The following KCNMB4 variants were observed in gnomAD, a reference collection of about 807,000 sequenced individuals.
KCNMB4 encodes the protein potassium calcium-activated channel subfamily M regulatory beta subunit 4.
KCNMB4 carries 3 observed loss-of-function variants against 20.7 expected under a neutral mutation model. The observed-to-expected ratio is 0.14, with a 90% CI of 0.07 to 0.37. The LOEUF is 0.37. Among genes scored for constraint, KCNMB4 ranks in the 10% least tolerant of loss-of-function variants. KCNMB4 has a pLI of 1.00. For synonymous variants in KCNMB4, 110 were observed against 113.4 expected, an observed-to-expected ratio of 0.97 and a Z score of 0.19; for missense variants, 168 against 265.9, an observed-to-expected ratio of 0.63 and a Z score of 2.56.
rs1045013735 is a variant in KCNMB4 at position 70,366,543 on chromosome 12, C to A, written c.-192C>A. The A allele has an allele frequency of 5.3e-4, 87 of 165,418 alleles. No individual in the cohort carries two copies. Among genetic ancestry groups the A allele is most frequent in the Non-Finnish European group, 8.8e-4 (71 of 80,748 alleles). The allele number at this position is 165,418 out of a possible 1,614,324, so 10.2% of individuals were successfully genotyped here. On this transcript the variant is annotated 5_prime_UTR_variant, in exon 1 of 3. Coordinates refer to ENST00000258111, the MANE Select transcript of KCNMB4 (RefSeq NM_014505.6). Reference sequence around the variant, plus strand: ...CGGCTGGGGGGCTGGGGGGCGCTGCCGCCGCCGCCGCCGGGGGCGTCGCTG... The same window carrying A: ...CGGCTGGGGGGCTGGGGGGCGCTGCAGCCGCCGCCGCCGGGGGCGTCGCTG...
intron 1 of KCNMB4, among the ~76,000 whole-genome samples, chr12:70,388,562 G>T (rs976977737): frequency 6.6e-6 from 1 of 151,944 alleles, no homozygotes; most frequent in African/African-American, 2.4e-5. Context: ...ATTTTAACTG[G>T]GGTGAGATGA....
Position 70,366,927 on chromosome 12 carries a change from G to C in KCNMB4, c.193G>C (p.Val65Leu). 6.2e-7 allele frequency: 1 copy of C among 1,613,042 alleles called. No individual in the cohort carries two copies. ...TVLSVQQIGE[V>L]FECTFTCGAD... ...GCTGTCGGTGCAGCAGATCGGCGAG[G>C]TGTTCGAGTGCACCTTCACCTGTGG... Residue 65 changes from valine (V) to leucine (L), a missense_variant, in exon 1 of 3, where the codon GTG becomes CTG. Val to Leu is a conservative substitution (Grantham distance 32). Coordinates refer to ENST00000258111, the MANE Select transcript of KCNMB4 (RefSeq NM_014505.6).
intron 2 of KCNMB4, among the ~76,000 whole-genome samples, chr12:70,406,906 T>G (rs989335822): frequency 3.3e-5 from 5 of 152,216 alleles, no homozygotes; most frequent in Admixed American, 6.5e-5. Context: ...AAAAGTATTT[T>G]TTTGTACTCT....
chr12:70,423,808 A>G (rs1295946007), intron 2 of KCNMB4, among the ~76,000 whole-genome samples: 2 of 152,112 alleles, frequency 1.3e-5, no homozygotes, highest in South Asian at 4.1e-4. Flanking sequence ...TTATCACAAT[A>G]TCATTGGTAG....
chr12:70,398,118 G>A (rs1565860328), intron 1 of KCNMB4, among the ~76,000 whole-genome samples: 1 of 152,098 alleles, frequency 6.6e-6, no homozygotes, highest in Non-Finnish European at 1.5e-5. Context: ...CCTAAGGAAG[G>A]ACCTACCACA....
chr12:70,425,421 G>C (rs1040476339), intron 2 of KCNMB4, among the ~76,000 whole-genome samples: 11 of 152,118 alleles, frequency 7.2e-5, no homozygotes, highest in African/African-American at 2.7e-4. Flanking sequence ...CTGGGCGACA[G>C]AGCAAGACCC....
intron 1 of KCNMB4, among the ~76,000 whole-genome samples, chr12:70,384,429 C>T (rs1883849731): frequency 6.6e-6 from 1 of 152,184 alleles, no homozygotes; most frequent in South Asian, 2.1e-4. Context: ...CAAAACCATG[C>T]TGTTTTACTT....
Position 70,430,840 on chromosome 12 carries a change from C to T in KCNMB4, c.*187C>T. 2 of 541,656 alleles carry T rather than the reference C, an allele frequency of 3.7e-6. No homozygotes were observed. The highest frequency in any genetic ancestry group is 3.9e-5 in the Admixed American group (1 of 25,460). 33.6% of individuals were successfully genotyped at this position (541,656 alleles called of 1,614,324 possible). On this transcript the variant is annotated 3_prime_UTR_variant, in exon 3 of 3. Coordinates refer to ENST00000258111, the MANE Select transcript of KCNMB4 (RefSeq NM_014505.6). ...ACTTGGAACCTCAAAGCTTGTATTC[C>T]ATCTGCTGTAGCAATGGCTAAAGGG... is the stretch of plus-strand genomic sequence containing the variant.
chr12:70,398,938 C>G (rs1868387376), intron 1 of KCNMB4, among the ~76,000 whole-genome samples: 1 of 152,096 alleles, frequency 6.6e-6, no homozygotes, highest in South Asian at 2.1e-4. Context: ...AAGAAGGCTC[C>G]CTCAAGTAGG....
intron 1 of KCNMB4, 54 bp from the exon 2 acceptor site, chr12:70,400,155 T>C (rs1380278264): frequency 1.5e-6 from 2 of 1,368,314 alleles, no homozygotes; most frequent in East Asian, 2.5e-5. Context: ...AAAAAGACTG[T>C]ATCTCAATGT....
chr12:70,382,606 G>A (rs1883810509), intron 1 of KCNMB4, among the ~76,000 whole-genome samples: 1 of 152,002 alleles, frequency 6.6e-6, no homozygotes. Context: ...ACTGATTAAT[G>A]ATATAATAAG....
Position 70,366,639 on chromosome 12 carries a change from TGGCGGCGGC to T in KCNMB4, c.-92_-84del. 3.3e-6 allele frequency: 3 copies of T among 902,298 alleles called. No individual in the cohort carries two copies. The highest frequency in any genetic ancestry group is 4.2e-6 in the Non-Finnish European group (3 of 712,278). The allele number at this position is 902,298 out of a possible 1,614,324, so 55.9% of individuals were successfully genotyped here. On this transcript the variant is annotated 5_prime_UTR_variant, in exon 1 of 3. Coordinates refer to ENST00000258111, the MANE Select transcript of KCNMB4 (RefSeq NM_014505.6). ...CCCTGCTGTCGCGCGGCGGCGGCGG[TGGCGGCGGC>T]GGCTCCTCCCGCCCGAGGCAGTCGG... is the stretch of plus-strand genomic sequence containing the variant.
At chr12:70,383,350 A>C (rs867008203) in intron 1 of KCNMB4, among the ~76,000 whole-genome samples, 2 of 152,344 alleles carry the variant, frequency 1.3e-5, no homozygotes, top group South Asian at 4.1e-4. Context: ...TTTTCTGCCT[A>C]TCAAGTTGGT....
At chr12:70,408,875 C>T (rs1868689953) in intron 2 of KCNMB4, among the ~76,000 whole-genome samples, 1 of 152,168 alleles carries the variant, frequency 6.6e-6, no homozygotes, top group Non-Finnish European at 1.5e-5. Context: ...CAAAACCTAA[C>T]TTATACCCCC....
At chr12:70,425,729 T>C (rs1869194095) in intron 2 of KCNMB4, among the ~76,000 whole-genome samples, 1 of 152,200 alleles carries the variant, frequency 6.6e-6, no homozygotes, top group East Asian at 1.9e-4. Flanking sequence ...GAATCTAACC[T>C]GATGGGACAC....
intron 2 of KCNMB4, among the ~76,000 whole-genome samples, chr12:70,400,796 C>G (rs1286067080): frequency 6.6e-6 from 1 of 152,050 alleles, no homozygotes; most frequent in Non-Finnish European, 1.5e-5. Flanking sequence ...ACTTTGGTAC[C>G]CACTCAGATT....
At chr12:70,422,876 T>TTAAA (rs1869103956) in intron 2 of KCNMB4, 1 of 1,161,242 alleles carries the variant, frequency 8.6e-7, no homozygotes, top group African/African-American at 1.6e-5. Flanking sequence ...AAAAAGTCTA[T>TTAAA]TACTCTGGGA....
chr12:70,407,460 C>CTTTTTTTTT lies in KCNMB4; in HGVS notation c.464+7141_464+7149dup, dbSNP rs35371839. Among the ~76,000 whole-genome samples, 20 of 64,182 alleles carry CTTTTTTTTT rather than the reference C, an allele frequency of 3.1e-4. 1 individual carries two copies. Among genetic ancestry groups the CTTTTTTTTT allele is most frequent in the Non-Finnish European group, 4.0e-4 (15 of 37,410 alleles). 42.1% of individuals were successfully genotyped at this position (64,182 alleles called of 152,430 possible). ...GGCTAGAGAGAGGTGGTGCTGAATT[C>CTTTTTTTTT]TTTTTTTTTTTTTTTTTTTTTTTTT... On this transcript the variant is annotated intron_variant, in intron 2 of 2. Transcript: ENST00000258111.
In KCNMB4 at chr12:70,430,595, T is replaced by C; in HGVS notation, c.575T>C (p.Ile192Thr). 1 of 1,613,688 alleles carries C rather than the reference T, an allele frequency of 6.2e-7. No individual in the cohort carries two copies. Among genetic ancestry groups the C allele is most frequent in the Non-Finnish European group, 8.5e-7 (1 of 1,179,868 alleles). ...VVGVLIVVLTICAKSLAVKAE... is the reference protein window; with the variant it reads ...VVGVLIVVLTTCAKSLAVKAE... Reference sequence around the variant, plus strand: ...GGCGTTCTCATTGTGGTCCTGACCATCTGTGCCAAGAGCTTGGCGGTCAAG... The same window carrying C: ...GGCGTTCTCATTGTGGTCCTGACCACCTGTGCCAAGAGCTTGGCGGTCAAG... The change falls in exon 3 of 3, where the codon ATC becomes ACC. Residue 192 changes from isoleucine to threonine, a missense_variant. Physicochemically the swap from Ile to Thr is moderately conservative, Grantham distance 89. Transcript: ENST00000258111.
Sources: allele counts gnomAD v4.1 joint callset (sites outside exome capture counted in the v4.1 genomes callset), GRCh38; gene constraint gnomAD v4.1.1; transcripts MANE v1.5; gene names NCBI Gene and HGNC (gene_info 2026-07-23, HGNC 2026-07-21).